The following WDR33 variants were observed in gnomAD, a reference collection of about 807,000 sequenced individuals.
WDR33 encodes WD repeat domain 33, also known as pre-mRNA 3' end processing protein WDR33.
A neutral mutation model predicts 164.9 loss-of-function variants in WDR33; 47 were observed. That is an observed-to-expected ratio of 0.29 (90% CI 0.23 to 0.36). The LOEUF is 0.36. Ranked by LOEUF, WDR33 falls within the 10% of genes least tolerant of loss-of-function variation. The pLI, the probability that WDR33 is intolerant of heterozygous loss-of-function variation, is 1.00. For missense variants in WDR33, 1,137 were observed against 1,754.1 expected, an observed-to-expected ratio of 0.65 and a Z score of 6.28; for synonymous variants, 505 against 589.0, an observed-to-expected ratio of 0.86 and a Z score of 2.06.
intron 1 of WDR33, among the ~76,000 whole-genome samples, chr2:127,792,723 TA>T (rs1185600520): frequency 6.6e-6 from 1 of 151,900 alleles, no homozygotes; most frequent in Non-Finnish European, 1.5e-5. Flanking sequence ...TGAGAGATAG[TA>T]AAACTTGATC....
rs1356591409 is a variant in WDR33, at chr2:127,721,567, C to T, written c.1671+269G>A. On this transcript the variant is annotated intron_variant, in intron 15 of 21. Transcript: ENST00000322313. This position sits in a 1 kb window ranked among gnomAD's most constrained non-coding sequence, Gnocchi z 4.9. The stretch of plus-strand genomic sequence containing the variant: ...GGCAGAGGTTGTAGCAAGCCGTGAT[C>T]GCACCACTGCATTCCAGCCTGGGTG... Among the ~76,000 whole-genome samples the T allele has an allele frequency of 6.6e-6, 1 of 152,128 alleles. No homozygotes were observed. The highest frequency in any genetic ancestry group is 2.4e-5 in the African/African-American group (1 of 41,418).
chr2:127,742,499 C>A (rs1464234509), intron 7 of WDR33, among the ~76,000 whole-genome samples: 3 of 145,626 alleles, frequency 2.1e-5, no homozygotes, highest in Non-Finnish European at 3.0e-5. Flanking sequence ...TGCACTCCAG[C>A]CCAGGAGACA....
Position 127,726,574 on chromosome 2 carries a change from A to C in WDR33, c.851+77T>G. On this transcript the variant is annotated intron_variant, in intron 8 of 21. Coordinates refer to ENST00000322313, the MANE Select transcript of WDR33 (RefSeq NM_018383.5). The surrounding 1 kb of genome is among the most constrained non-coding windows in gnomAD (Gnocchi z 4.8). ...ACTCTTCCAGAAATACATAAGAGAA[A>C]ACAAAGCTAAAAGTTAAAGGACACA... 6.4e-7 allele frequency: 1 copy of C among 1,554,170 alleles called. No individual in the cohort carries two copies. Among genetic ancestry groups the C allele is most frequent in the Non-Finnish European group, 8.7e-7 (1 of 1,152,780 alleles).
intron 1 of WDR33, among the ~76,000 whole-genome samples, chr2:127,778,439 GAAAAAA>G (rs5834186): frequency 3.2e-5 from 4 of 123,774 alleles, no homozygotes; most frequent in Admixed American, 8.6e-5. Context: ...TCCATCTCAA[GAAAAAA>G]AAAAAAAAGA....
In WDR33 at chr2:127,741,082, G is replaced by C. The variant is rs148954904; in HGVS notation, c.725-14305C>G. Among the ~76,000 whole-genome samples, 9 of 152,328 alleles carry C rather than the reference G, an allele frequency of 5.9e-5. No homozygotes were observed. The highest frequency in any genetic ancestry group is 1.9e-4 in the East Asian group (1 of 5,192). On this transcript the variant is annotated intron_variant, in intron 7 of 21. Coordinates refer to ENST00000322313, the MANE Select transcript of WDR33 (RefSeq NM_018383.5). The surrounding 1 kb of genome is among the most constrained non-coding windows in gnomAD (Gnocchi z 4.1). ...TGATGAAGTAATGAGGGTAATTATA[G>C]GGAGACTTGTCCAGGTTGTCCCTCC... is the stretch of plus-strand genomic sequence containing the variant.
In WDR33 at chr2:127,706,516, T is replaced by G; in HGVS notation, c.3818A>C (p.Lys1273Thr). The G allele has an allele frequency of 1.2e-6, 2 of 1,613,220 alleles. No homozygotes were observed. Among genetic ancestry groups the G allele is most frequent in the East Asian group, 2.2e-5 (1 of 44,786 alleles). ...GGPGPAQRVPKSGRSSSLDGE... is the reference protein window; with the variant it reads ...GGPGPAQRVPTSGRSSSLDGE... ...GTCTAAGGAGCTGGAACGCCCAGAT[T>G]TGGGCACTCTCTGAGCAGGTCCTGG... The change falls in exon 22 of 22, where the codon AAA (lysine) becomes ACA (threonine). Residue 1273 changes from lysine (K) to threonine (T), a missense_variant. Lys to Thr is a moderately conservative substitution (Grantham distance 78, BLOSUM62 -1). Coordinates refer to ENST00000322313, the MANE Select transcript of WDR33 (RefSeq NM_018383.5). This position sits in a 1 kb window ranked among gnomAD's most constrained non-coding sequence, Gnocchi z 5.1.
chr2:127,797,906 CAGGGGGCTGAAGCAGG>C (rs1337553588), intron 1 of WDR33, among the ~76,000 whole-genome samples: 1 of 151,366 alleles, frequency 6.6e-6, no homozygotes, highest in African/African-American at 2.4e-5. Context: ...CCCAGCTACT[CAGGGGGCTGAAGCAGG>C]AGGACTGCTT....
Position 127,764,283 on chromosome 2 carries a change from C to T in WDR33, c.626+545G>A, listed in dbSNP as rs1455870615. ...CAATGATCTGCTTACAGCTGCAAAG[C>T]TTGAAGAACCCATTCATTACTCCGT... On this transcript the variant is annotated intron_variant, in intron 6 of 21. Coordinates refer to ENST00000322313, the MANE Select transcript of WDR33 (RefSeq NM_018383.5). This position sits in a 1 kb window ranked among gnomAD's most constrained non-coding sequence, Gnocchi z 6.2. The T allele has an allele frequency of 1.6e-6, 2 of 1,265,250 alleles. No individual in the cohort carries two copies. The highest frequency in any genetic ancestry group is 1.0e-6 in the Non-Finnish European group (1 of 1,004,140). 78.4% of individuals were successfully genotyped at this position (1,265,250 alleles called of 1,614,324 possible). A position where few individuals can be genotyped will look rare whatever the true frequency, so the allele number is the denominator to read the frequency against.
At chr2:127,804,043 C>G (rs111645183) in intron 1 of WDR33, among the ~76,000 whole-genome samples, 1 of 151,930 alleles carries the variant, frequency 6.6e-6, no homozygotes, top group African/African-American at 2.4e-5. Context: ...AGATTGGGAC[C>G]GGGTGCGGTG....
intron 1 of WDR33, among the ~76,000 whole-genome samples, chr2:127,799,964 GA>G (rs1308687332): frequency 6.6e-6 from 1 of 152,202 alleles, no homozygotes; most frequent in Non-Finnish European, 1.5e-5. Flanking sequence ...TGGTCAAAAA[GA>G]GGGAAAATAA....
chr2:127,731,294 CAAAAAAAA>C (rs35161101), intron 7 of WDR33, among the ~76,000 whole-genome samples: 6 of 70,330 alleles, frequency 8.5e-5, no homozygotes, highest in African/African-American at 3.2e-4. Context: ...GACCCTGCCT[CAAAAAAAA>C]AAAAAAAAAA....
chr2:127,750,667 AAAAAAAAAAAATATATATATATATATAT>A (rs1687302557), intron 7 of WDR33, among the ~76,000 whole-genome samples: 2 of 72,224 alleles, frequency 2.8e-5, no homozygotes, highest in African/African-American at 1.6e-4. Flanking sequence ...AAAAAAAAAA[AAAAAAAAAAAATATATATATATATATAT>A]ATATATATAT....
rs750406538 is a variant in WDR33, at chr2:127,706,162, C to T, written c.*161G>A. On this transcript the variant is annotated 3_prime_UTR_variant, in exon 22 of 22. Coordinates refer to ENST00000322313, the MANE Select transcript of WDR33 (RefSeq NM_018383.5). This position sits in a 1 kb window ranked among gnomAD's most constrained non-coding sequence, Gnocchi z 5.1. ...AGCCAGGCTGGTAGCTGGCAGCAGTCTCTTCATCTTGAAGACCTCATTGAG... is the reference window on the plus strand; with the variant it reads ...AGCCAGGCTGGTAGCTGGCAGCAGTTTCTTCATCTTGAAGACCTCATTGAG... 1.1e-4 allele frequency: 58 copies of T among 546,652 alleles called. No homozygotes were observed. The highest frequency in any genetic ancestry group is 5.9e-5 in the Non-Finnish European group (20 of 340,572). 33.9% of individuals were successfully genotyped at this position (546,652 alleles called of 1,614,324 possible).
chr2:127,733,297 T>C (rs1216803409), intron 7 of WDR33, among the ~76,000 whole-genome samples: 1 of 152,212 alleles, frequency 6.6e-6, no homozygotes, highest in African/African-American at 2.4e-5. Context: ...TGCAGGGGAC[T>C]GACAGGAGTC....
chr2:127,727,188 T>C (rs1314439259), intron 7 of WDR33, among the ~76,000 whole-genome samples: 6 of 152,220 alleles, frequency 3.9e-5, no homozygotes, highest in Admixed American at 2.0e-4. Context: ...ACGAACTTGA[T>C]TCAACCTGAA....
In WDR33 at chr2:127,718,213, T is replaced by C. The variant is rs1384624577; in HGVS notation, c.2761-950A>G. Among the ~76,000 whole-genome samples the C allele has an allele frequency of 6.6e-6, 1 of 152,096 alleles. No homozygotes were observed. Among genetic ancestry groups the C allele is most frequent in the African/African-American group, 2.4e-5 (1 of 41,410 alleles). The stretch of plus-strand genomic sequence containing the variant: ...TAGTAGTTGAGTTCAGGAAACCCAA[T>C]GGTCATCTTTACATTAGGGATTCGT... On this transcript the variant is annotated intron_variant, in intron 16 of 21. Coordinates refer to ENST00000322313, the MANE Select transcript of WDR33 (RefSeq NM_018383.5). This position sits in a 1 kb window ranked among gnomAD's most constrained non-coding sequence, Gnocchi z 4.4.
rs182835240 is a variant in WDR33, at chr2:127,711,898, G to A, written c.3308+1685C>T. ...GACGATTCTCCTGCCTCAGCCTTCC[G>A]AGTAGCTGGGATTACAGGCACGCAC... On this transcript the variant is annotated intron_variant, in intron 18 of 21. Transcript: ENST00000322313. Among the ~76,000 whole-genome samples, 415 of 150,142 alleles carry A rather than the reference G, an allele frequency of 2.8e-3. 1 individual carries two copies. The highest frequency in any genetic ancestry group is 9.8e-3 in the African/African-American group (398 of 40,766).
chr2:127,719,897 G>A lies in WDR33; in HGVS notation c.2128C>T (p.Pro710Ser), dbSNP rs781685923. The A allele has an allele frequency of 2.5e-6, 4 of 1,613,912 alleles. No individual in the cohort carries two copies. In the South Asian group the frequency reaches 3.3e-5, roughly 13 times the overall value. Residue 710 changes from proline (P) to serine (S), a missense_variant, in exon 16 of 22, where the codon CCA becomes TCA. This residue lies in a region of WDR33 where 867 missense variants were observed against 1,073.0 expected (regional missense o/e 0.81). Coordinates refer to ENST00000322313, the MANE Select transcript of WDR33 (RefSeq NM_018383.5). The surrounding 1 kb of genome is among the most constrained non-coding windows in gnomAD (Gnocchi z 6.5). ...GPQGHMGPQG[P>S]PGPQGHIGPQ... The stretch of plus-strand genomic sequence containing the variant: ...CCTATGTGACCCTGTGGGCCAGGTG[G>A]ACCCTGAGGACCCATATGACCTTGA...
At position 127,714,086 on chromosome 2, in the gene WDR33, G is replaced by T; in HGVS notation, c.2870-65C>A. On this transcript the variant is annotated intron_variant, in intron 17 of 21. Coordinates refer to ENST00000322313, the MANE Select transcript of WDR33 (RefSeq NM_018383.5). The surrounding 1 kb of genome is among the most constrained non-coding windows in gnomAD (Gnocchi z 4.3). Reference sequence around the variant, plus strand: ...AAACCTGCCAACATAGGTCTGATCTGTAGCATCTCTACATTTCAGAATACA... The same window carrying T: ...AAACCTGCCAACATAGGTCTGATCTTTAGCATCTCTACATTTCAGAATACA... 7.0e-7 allele frequency: 1 copy of T among 1,420,004 alleles called. No homozygotes were observed. Among genetic ancestry groups the T allele is most frequent in the Non-Finnish European group, 9.3e-7 (1 of 1,076,634 alleles). The allele number at this position is 1,420,004 out of a possible 1,614,324, so 88.0% of individuals were successfully genotyped here.
Sources: gnomAD v4.1 joint callset for allele counts (sites outside exome capture counted in the v4.1 genomes callset) on GRCh38, gnomAD v4.1.1 for gene constraint, gnomAD v4.1.1 regional missense constraint, Gnocchi (gnomAD v3.1) non-coding constraint, MANE v1.5 for transcripts, NCBI Gene and HGNC (gene_info 2026-07-23, HGNC 2026-07-21) for gene names.